ARNT2: variants seen among roughly 807,000 people sequenced by gnomAD.
ARNT2 encodes the protein ARNT protein 2.
In ARNT2, 36 loss-of-function variants were observed where a neutral mutation model predicts 91.7. That is an observed-to-expected ratio of 0.39 (90% CI 0.30 to 0.52). The LOEUF is 0.52. ARNT2 is among the 20% of genes least tolerant of loss of function. ARNT2 has a pLI of 0.72. For synonymous variants in ARNT2, 365 were observed against 347.1 expected, an observed-to-expected ratio of 1.05 and a Z score of -0.57; for missense variants, 775 against 939.3, an observed-to-expected ratio of 0.83 and a Z score of 2.29.
chr15:80,522,760 CATATATAT>C (rs60138286), intron 8 of ARNT2, among the ~76,000 whole-genome samples: 1 of 144,480 alleles, frequency 6.9e-6, no homozygotes, highest in African/African-American at 2.6e-5. Context: ...TGTACATACA[CATATATAT>C]ATATATATAT....
intron 8 of ARNT2, among the ~76,000 whole-genome samples, chr15:80,525,349 T>C (rs1335217926): frequency 6.6e-6 from 1 of 152,340 alleles, no homozygotes; most frequent in South Asian, 2.1e-4. Context: ...TCTGTGGCTA[T>C]TAATACTCTG....
chr15:80,415,285 T>C (rs1895761826), intron 1 of ARNT2, among the ~76,000 whole-genome samples: 2 of 152,226 alleles, frequency 1.3e-5, no homozygotes, highest in Admixed American at 1.3e-4. Context: ...AAGCCAGACA[T>C]TAATTATTTT....
Position 80,500,499 on chromosome 15 carries a change from G to T in ARNT2, c.623-7657G>T, listed in dbSNP as rs565410589. On this transcript the variant is annotated intron_variant, in intron 5 of 18. Coordinates refer to ENST00000303329, the MANE Select transcript of ARNT2 (RefSeq NM_014862.4). ...TCTAATTTATATTTGTATTTCTCTT[G>T]TAGCCTGGGGAGAATTTTTATGTGC... Among the ~76,000 whole-genome samples the T allele has an allele frequency of 2.0e-5, 3 of 152,076 alleles. No individual in the cohort carries two copies. The East Asian group carries it at 5.8e-4, about 29-fold the overall frequency.
chr15:80,537,648 A>C (rs1215463712), intron 8 of ARNT2, among the ~76,000 whole-genome samples: 1 of 152,164 alleles, frequency 6.6e-6, no homozygotes. Context: ...GCCATGCCTG[A>C]CCTGGTAGAG....
chr15:80,572,065 T>C (rs1898593688), intron 12 of ARNT2, among the ~76,000 whole-genome samples: 1 of 152,062 alleles, frequency 6.6e-6, no homozygotes, highest in Admixed American at 6.5e-5. Flanking sequence ...GGGTGCCATC[T>C]ATTTTCTGCA....
chr15:80,521,911 C>T (rs1041751352), intron 8 of ARNT2, among the ~76,000 whole-genome samples: 16 of 152,092 alleles, frequency 1.1e-4, no homozygotes, highest in Non-Finnish European at 1.9e-4. Flanking sequence ...ACTCATACAC[C>T]TGTCACGTAC....
chr15:80,562,150 C>T (rs1898371883), intron 11 of ARNT2, among the ~76,000 whole-genome samples: 1 of 151,838 alleles, frequency 6.6e-6, no homozygotes, highest in Admixed American at 6.6e-5. Flanking sequence ...TGTCTGCTCA[C>T]TGTAACCTCT....
At chr15:80,584,679 G>A (rs1898861444) in intron 17 of ARNT2, among the ~76,000 whole-genome samples, 2 of 152,236 alleles carry the variant, frequency 1.3e-5, no homozygotes, top group Admixed American at 1.3e-4. Flanking sequence ...AGCCCAGCGT[G>A]GGCACATCTG....
intron 1 of ARNT2, among the ~76,000 whole-genome samples, chr15:80,422,791 C>A (rs910763126): frequency 5.3e-5 from 8 of 151,932 alleles, no homozygotes; most frequent in Admixed American, 1.3e-4. Context: ...AGTATACAAC[C>A]ACCAACATGT....
chr15:80,528,410 C>CTATT (rs959060397), intron 8 of ARNT2, among the ~76,000 whole-genome samples: 5 of 148,212 alleles, frequency 3.4e-5, no homozygotes, highest in African/African-American at 9.9e-5. Flanking sequence ...ATCTATCTAT[C>CTATT]TATTTATCAT....
chr15:80,580,055 A>G, intron 15 of ARNT2: 1 of 195,308 alleles, frequency 5.1e-6, no homozygotes, highest in Non-Finnish European at 1.1e-5. Context: ...ACTGATTTTT[A>G]TTCTAAGAAG....
intron 3 of ARNT2, among the ~76,000 whole-genome samples, chr15:80,469,917 C>T (rs1170632209): frequency 6.6e-6 from 1 of 152,134 alleles, no homozygotes; most frequent in Admixed American, 6.5e-5. Flanking sequence ...GCCCAGCCCT[C>T]GTGTCTCAAT....
At position 80,445,829 on chromosome 15, in the gene ARNT2, C is replaced by A. The variant is rs181780940; in HGVS notation, c.32-5051C>A. Among the ~76,000 whole-genome samples the A allele has an allele frequency of 4.6e-5, 7 of 152,160 alleles. No individual in the cohort carries two copies. The East Asian group carries it at 1.3e-3, about 29-fold the overall frequency. ...CTCCTCCTTCTGTCTCTGGCCACAG[C>A]CTCACGTGGGGGATCGTGTTACGAG... On this transcript the variant is annotated intron_variant, in intron 1 of 18. Coordinates refer to ENST00000303329, the MANE Select transcript of ARNT2 (RefSeq NM_014862.4).
At chr15:80,442,416 CT>C (rs1439659293) in intron 1 of ARNT2, among the ~76,000 whole-genome samples, 1 of 152,224 alleles carries the variant, frequency 6.6e-6, no homozygotes, top group Admixed American at 6.5e-5. Context: ...GGCTCTGTGC[CT>C]CCATCACACT....
intron 1 of ARNT2, among the ~76,000 whole-genome samples, chr15:80,429,649 T>C (rs1296839005): frequency 6.6e-6 from 1 of 152,132 alleles, no homozygotes; most frequent in Non-Finnish European, 1.5e-5. Flanking sequence ...TGGTGAGAAG[T>C]GTAGGAGGCT....
chr15:80,464,279 T>A (rs767620978), intron 3 of ARNT2, among the ~76,000 whole-genome samples: 1 of 150,304 alleles, frequency 6.7e-6, no homozygotes, highest in Non-Finnish European at 1.5e-5. Flanking sequence ...GAGCCTCAGC[T>A]TCCTCCTCTG....
chr15:80,478,816 G>A (rs934827243), intron 5 of ARNT2, among the ~76,000 whole-genome samples: 3 of 152,180 alleles, frequency 2.0e-5, no homozygotes, highest in Non-Finnish European at 1.5e-5. Flanking sequence ...ACCAGCCCAA[G>A]CATAATTTTA....
intron 6 of ARNT2, 56 bp from the exon 7 acceptor site, chr15:80,513,855 T>C: frequency 1.4e-6 from 2 of 1,427,572 alleles, no homozygotes; most frequent in African/African-American, 1.4e-5. Context: ...CAGCACCATA[T>C]ATTGAATAAA....
chr15:80,554,633 G>A (rs934235592), intron 10 of ARNT2: 3 of 165,528 alleles, frequency 1.8e-5, no homozygotes, highest in African/African-American at 7.2e-5. Flanking sequence ...GTTATTTTAT[G>A]ATAACCTCAT....
Sources: gnomAD v4.1 joint callset for allele counts (sites outside exome capture counted in the v4.1 genomes callset) on GRCh38, gnomAD v4.1.1 for gene constraint, MANE v1.5 for transcripts, NCBI Gene and HGNC (gene_info 2026-07-23, HGNC 2026-07-21) for gene names.